The following SH3KBP1 variants were observed in gnomAD, a reference collection of about 807,000 sequenced individuals.
The protein encoded by SH3KBP1 is SH3 domain-containing kinase-binding protein 1.
Under a neutral mutation model 50.1 loss-of-function variants are expected in SH3KBP1, and 8 were observed. The ratio of observed to expected loss-of-function variants is 0.16; its 90% CI spans 0.09 to 0.29. SH3KBP1 has a LOEUF of 0.29. Ranked by LOEUF, SH3KBP1 falls within the 10% of genes least tolerant of loss-of-function variation. The probability of loss-of-function intolerance (pLI) is 1.00; values close to 1 mark genes in which losing one functional copy is unlikely to be tolerated. For missense variants in SH3KBP1, 377 were observed against 535.2 expected, an observed-to-expected ratio of 0.70 and a Z score of 2.92; for synonymous variants, 227 against 218.6, an observed-to-expected ratio of 1.04 and a Z score of -0.34.
At position 19,534,923 on chromosome X, in the gene SH3KBP1, A is replaced by G; in HGVS notation, c.*1494T>C. 2 of 297,676 alleles carry G rather than the reference A, an allele frequency of 6.7e-6. No homozygotes were observed. The highest frequency in any genetic ancestry group is 1.2e-5 in the Non-Finnish European group (2 of 170,362). The allele number at this position is 297,676 out of a possible 1,213,427, so 24.5% of individuals were successfully genotyped here. A position where few individuals can be genotyped will look rare whatever the true frequency, so the allele number is the denominator to read the frequency against. Reference sequence around the variant, plus strand: ...CAGTAATGTGATTTTTTGTTTTTGCATCACTTCTTCGGTATTATCAACTCT... The same window carrying G: ...CAGTAATGTGATTTTTTGTTTTTGCGTCACTTCTTCGGTATTATCAACTCT... On this transcript the variant is annotated 3_prime_UTR_variant, in exon 18 of 18. Transcript: ENST00000397821.
intron 2 of SH3KBP1, among the ~76,000 whole-genome samples, chrX:19,758,343 AAAAAAAAAAG>A (rs2065277197): frequency 9.4e-6 from 1 of 106,314 alleles, no homozygotes; most frequent in African/African-American, 3.6e-5. Flanking sequence ...AAAAAAAAAA[AAAAAAAAAAG>A]ATTCTTGAAA....
intron 2 of SH3KBP1, among the ~76,000 whole-genome samples, chrX:19,829,254 G>A (rs2067784445): frequency 8.9e-6 from 1 of 111,754 alleles, no homozygotes; most frequent in South Asian, 3.7e-4. Flanking sequence ...ACAAAGTACC[G>A]ATGTACGCAA....
At chrX:19,650,644 A>C (rs943760725) in intron 6 of SH3KBP1, among the ~76,000 whole-genome samples, 1 of 112,726 alleles carries the variant, frequency 8.9e-6, no homozygotes, top group Admixed American at 9.3e-5. Context: ...ACAGCTGCTA[A>C]GACACAAGAT....
chrX:19,831,935 T>C (rs1246864871), intron 2 of SH3KBP1, among the ~76,000 whole-genome samples: 1 of 111,804 alleles, frequency 8.9e-6, no homozygotes, highest in African/African-American at 3.3e-5. Context: ...TAAAGATGCA[T>C]TTTCAGCTTT....
intron 1 of SH3KBP1, among the ~76,000 whole-genome samples, chrX:19,872,543 G>A (rs1193970534): frequency 4.6e-5 from 5 of 109,890 alleles, no homozygotes; most frequent in African/African-American, 1.3e-4. Flanking sequence ...AGGCCGAGGC[G>A]GGCGGATCAC....
chrX:19,628,031 C>G (rs1458814389), intron 8 of SH3KBP1, among the ~76,000 whole-genome samples: 1 of 112,213 alleles, frequency 8.9e-6, no homozygotes, highest in Non-Finnish European at 1.9e-5. Flanking sequence ...CTGGGCGATT[C>G]CTAACTTAGA....
chrX:19,641,225 C>T (rs2061848909), intron 7 of SH3KBP1, among the ~76,000 whole-genome samples: 1 of 112,022 alleles, frequency 8.9e-6, no homozygotes, highest in African/African-American at 3.2e-5. Context: ...CAAGGAACAC[C>T]GGCAAGCCAA....
At chrX:19,782,905 A>G (rs1446738296) in intron 2 of SH3KBP1, among the ~76,000 whole-genome samples, 1 of 111,622 alleles carries the variant, frequency 9.0e-6, no homozygotes, top group East Asian at 2.8e-4. Flanking sequence ...CCAGAGTGCA[A>G]GACCAGCCTG....
At chrX:19,704,672 T>C (rs1211455603) in intron 4 of SH3KBP1, among the ~76,000 whole-genome samples, 1 of 112,245 alleles carries the variant, frequency 8.9e-6, no homozygotes, top group Admixed American at 9.4e-5. Context: ...CAGGCACTAT[T>C]CTAGGTACCA....
At chrX:19,572,302 T>C (rs999166423) in intron 12 of SH3KBP1, among the ~76,000 whole-genome samples, 4 of 106,627 alleles carry the variant, frequency 3.8e-5, no homozygotes, top group East Asian at 2.8e-4. Context: ...ATATGTTATA[T>C]ATAGTACATA....
At chrX:19,728,096 A>G (rs2064273694) in intron 3 of SH3KBP1, among the ~76,000 whole-genome samples, 1 of 112,387 alleles carries the variant, frequency 8.9e-6, no homozygotes, top group Non-Finnish European at 1.9e-5. Flanking sequence ...TGGAGATGAT[A>G]TGCAAAAGCC....
At chrX:19,776,532 GTTTTTTTT>G (rs72090569) in intron 2 of SH3KBP1, among the ~76,000 whole-genome samples, 5 of 25,681 alleles carry the variant, frequency 1.9e-4, no homozygotes, top group African/African-American at 3.4e-4. Context: ...TGACAACCTG[GTTTTTTTT>G]TTTTTTTTTT....
intron 2 of SH3KBP1, among the ~76,000 whole-genome samples, chrX:19,793,758 G>A (rs189452308): frequency 1.4e-3 from 155 of 111,137 alleles, no homozygotes; most frequent in Non-Finnish European, 2.5e-3. Context: ...AAATACTGAA[G>A]CTGAAAAACA....
chrX:19,734,236 G>A (rs2064467005), intron 3 of SH3KBP1, among the ~76,000 whole-genome samples: 1 of 111,788 alleles, frequency 8.9e-6, no homozygotes, highest in Admixed American at 9.5e-5. Context: ...GGATGCCACA[G>A]CCAGTTCTCT....
At chrX:19,682,333 TAC>T (rs59044973) in intron 6 of SH3KBP1, among the ~76,000 whole-genome samples, 2,627 of 75,459 alleles carry the variant, frequency 0.035, 41 homozygotes, top group Admixed American at 0.039. Context: ...ATAAGAGTCA[TAC>T]ACACACACAC....
At chrX:19,543,669 G>C (rs969329722) in intron 15 of SH3KBP1, among the ~76,000 whole-genome samples, 5 of 111,688 alleles carry the variant, frequency 4.5e-5, no homozygotes, top group Non-Finnish European at 3.8e-5. Context: ...ATCAGGGAAG[G>C]GTTCTGTTCA....
chrX:19,541,869 C>G lies in SH3KBP1; in HGVS notation c.1892+56G>C, dbSNP rs761942921. 4.8e-5 allele frequency: 55 copies of G among 1,156,803 alleles called. 1 individual carries two copies. Among genetic ancestry groups the G allele is most frequent in the Non-Finnish European group, 6.1e-5 (53 of 863,110 alleles). On this transcript the variant is annotated intron_variant, in intron 16 of 17. Coordinates refer to ENST00000397821, the MANE Select transcript of SH3KBP1 (RefSeq NM_031892.3). Reference sequence around the variant, plus strand: ...GGATCCATGCTTTCAGAACTAGGTGCTGGCCTGGCAGAGAGCAACCTGGGT... The same window carrying G: ...GGATCCATGCTTTCAGAACTAGGTGGTGGCCTGGCAGAGAGCAACCTGGGT...
At chrX:19,863,010 C>T (rs1320813628) in intron 1 of SH3KBP1, among the ~76,000 whole-genome samples, 1 of 112,007 alleles carries the variant, frequency 8.9e-6, no homozygotes, top group African/African-American at 3.3e-5. Flanking sequence ...CTGCCCCCTT[C>T]AGAGAAGAGG....
At chrX:19,560,799 A>G (rs2065649104) in intron 13 of SH3KBP1, among the ~76,000 whole-genome samples, 1 of 111,043 alleles carries the variant, frequency 9.0e-6, no homozygotes, top group African/African-American at 3.3e-5. Context: ...GAGCAGGGCC[A>G]GGTGCAATGA....
Sources: gnomAD v4.1 joint callset for allele counts (sites outside exome capture counted in the v4.1 genomes callset) on GRCh38, gnomAD v4.1.1 for gene constraint, MANE v1.5 for transcripts, NCBI Gene and HGNC (gene_info 2026-07-23, HGNC 2026-07-21) for gene names.